Variants in CHST10 observed in about 807,000 individuals in gnomAD.
CHST10 encodes HNK-1 sulfotransferase.
A neutral mutation model predicts 34.7 loss-of-function variants in CHST10; 24 were observed. The ratio of observed to expected loss-of-function variants is 0.69; its 90% CI spans 0.50 to 0.97. The LOEUF (loss-of-function observed/expected upper bound fraction) is 0.97, where lower values mean the gene tolerates loss of function less well. Among genes scored for constraint, CHST10 ranks in the 50% least tolerant of loss-of-function variants. The pLI, the probability that CHST10 is intolerant of heterozygous loss-of-function variation, is 0.00. For synonymous variants in CHST10, 161 were observed against 169.3 expected (o/e 0.95, Z 0.38); for missense variants, 402 against 452.1 (o/e 0.89, Z 1.00).
At chr2:100,399,400 C>T (rs761368886) in intron 4 of CHST10, among the ~76,000 whole-genome samples, 20 of 152,266 alleles carry the variant, frequency 1.3e-4, no homozygotes, top group East Asian at 9.7e-4. Context: ...CCACCACGCC[C>T]GGCCATATCT....
intron 3 of CHST10, among the ~76,000 whole-genome samples, chr2:100,403,381 G>C (rs779685887): frequency 6.6e-6 from 1 of 152,134 alleles, no homozygotes; most frequent in Non-Finnish European, 1.5e-5. Context: ...TTTCTTATGA[G>C]AAAGTCTAGT....
chr2:100,398,683 C>T (rs949832591), intron 4 of CHST10, among the ~76,000 whole-genome samples: 3 of 151,958 alleles, frequency 2.0e-5, no homozygotes, highest in Non-Finnish European at 2.9e-5. Context: ...CCAGCCTGGG[C>T]GACAGAGCAA....
intron 5 of CHST10, among the ~76,000 whole-genome samples, 197 bp downstream of exon 5, chr2:100,397,711 C>T (rs181112324): frequency 7.9e-5 from 12 of 152,250 alleles, no homozygotes; most frequent in Admixed American, 7.2e-4. Flanking sequence ...TGAAAAGAAT[C>T]GGTGTCTAAA....
chr2:100,417,295 C>T, intron 1 of CHST10, 79 bp downstream of exon 1: 1 of 345,244 alleles, frequency 2.9e-6, no homozygotes, highest in South Asian at 2.2e-5. Context: ...CGCGGGTTCC[C>T]CGGTTTTTCC....
intron 6 of CHST10, among the ~76,000 whole-genome samples, chr2:100,394,985 C>A (rs1674986338): frequency 6.6e-6 from 1 of 152,058 alleles, no homozygotes. Context: ...TCCCAAAGTG[C>A]TGGTATTACA....
At position 100,402,630 on chromosome 2, in the gene CHST10, C is replaced by A. The variant is rs1675396107; in HGVS notation, c.126G>T (p.Leu42=). Residue 42 remains leucine (L), a synonymous_variant, in exon 4 of 7, where the codon CTG becomes CTT. Coordinates refer to ENST00000264249, the MANE Select transcript of CHST10 (RefSeq NM_004854.5). ...PDVYSAKQEF[L]FLTTMPEVRK... The stretch of plus-strand genomic sequence containing the variant: ...TCACTTCCGGCATGGTTGTCAGGAA[C>A]AGAAACTCCTGTTTGGCACTGTACA... The A allele has an allele frequency of 6.2e-7, 1 of 1,613,992 alleles. No homozygotes were observed. Among genetic ancestry groups the A allele is most frequent in the African/African-American group, 1.3e-5 (1 of 75,038 alleles).
In CHST10 at chr2:100,392,964, T is replaced by G. The variant is rs1451182195; in HGVS notation, c.*281A>C. The stretch of plus-strand genomic sequence containing the variant: ...CTTCCTCCCTGCTGGGCTGTCAAAC[T>G]GCAAATCTTTAGCCTTTTCTCCCCT... On this transcript the variant is annotated 3_prime_UTR_variant, in exon 7 of 7. Transcript: ENST00000264249. 9.2e-6 allele frequency: 4 copies of G among 434,498 alleles called. No homozygotes were observed. The highest frequency in any genetic ancestry group is 1.7e-5 in the Non-Finnish European group (4 of 239,880). 26.9% of individuals were successfully genotyped at this position (434,498 alleles called of 1,614,324 possible).
intron 1 of CHST10, chr2:100,415,647 A>G (rs1378499372): frequency 6.6e-6 from 1 of 152,440 alleles, no homozygotes; most frequent in Admixed American, 6.5e-5. Flanking sequence ...GGACACATGC[A>G]GCACGGTCTC....
At chr2:100,413,455 C>T (rs1034939325) in intron 2 of CHST10, among the ~76,000 whole-genome samples, 1 of 152,164 alleles carries the variant, frequency 6.6e-6, no homozygotes, top group South Asian at 2.1e-4. Context: ...CTCAGTTCAA[C>T]CCACAAGGAT....
rs780726705 is a variant in CHST10, at chr2:100,393,632, G to A, written c.684C>T (p.Asn228=). 17 of 1,614,124 alleles carry A rather than the reference G, an allele frequency of 1.1e-5. No homozygotes were observed. The highest frequency in any genetic ancestry group is 1.2e-5 in the Non-Finnish European group (14 of 1,180,038). The change falls in exon 7 of 7, where the codon AAC becomes AAT. Residue 228 remains asparagine (N), a synonymous_variant. Transcript: ENST00000264249. Reference sequence around the variant, plus strand: ...ACTGGATCCCCCGGGTCTCTGTCCGGTTCCTCCTGTATTTTCTGATGATGC... The same window carrying A: ...ACTGGATCCCCCGGGTCTCTGTCCGATTCCTCCTGTATTTTCTGATGATGC... ...APGIIRKYRR[N]RTETRGIQFE... is the part of the protein sequence containing the mutation.
chr2:100,395,488 CT>C lies in CHST10; in HGVS notation c.533+20del. ...AGGTTTACAAAAACTCCCCCCTCCC[CT>C]TTGAGGAAGCTGTTCTCACCGCTTC... On this transcript the variant is annotated intron_variant, in intron 6 of 6. Coordinates refer to ENST00000264249, the MANE Select transcript of CHST10 (RefSeq NM_004854.5). 1 of 1,603,490 alleles carries C rather than the reference CT, an allele frequency of 6.2e-7. No homozygotes were observed. The highest frequency in any genetic ancestry group is 8.5e-7 in the Non-Finnish European group (1 of 1,170,990).
chr2:100,411,648 T>C lies in CHST10; in HGVS notation c.-33+3393A>G, dbSNP rs148090391. Among the ~76,000 whole-genome samples, 27 of 152,342 alleles carry C rather than the reference T, an allele frequency of 1.8e-4. No homozygotes were observed. In the East Asian group the frequency reaches 5.2e-3, roughly 29 times the overall value. On this transcript the variant is annotated intron_variant, in intron 2 of 6. Transcript: ENST00000264249. Reference sequence around the variant, plus strand: ...TTCAAGCTCATTATTCATTATCCAGTATCCAGTGTATTCATTCATGCAGTA... The same window carrying C: ...TTCAAGCTCATTATTCATTATCCAGCATCCAGTGTATTCATTCATGCAGTA...
chr2:100,392,875 G>GTATCATTAA lies in CHST10; in HGVS notation c.*369_*370insTTAATGATA. 3 of 230,732 alleles carry GTATCATTAA rather than the reference G, an allele frequency of 1.3e-5. No homozygotes were observed. Among genetic ancestry groups the GTATCATTAA allele is most frequent in the South Asian group, 8.3e-5 (1 of 12,008 alleles). 14.3% of individuals were successfully genotyped at this position (230,732 alleles called of 1,614,324 possible). ...GGGTGAAGCCACCCTGACTAGCCAG[G>GTATCATTAA]AGAACCTCAGGGGCATCCCCTTCCT... On this transcript the variant is annotated 3_prime_UTR_variant, in exon 7 of 7. Coordinates refer to ENST00000264249, the MANE Select transcript of CHST10 (RefSeq NM_004854.5).
Position 100,417,143 on chromosome 2 carries a change from T to A in CHST10, c.-104+231A>T, listed in dbSNP as rs1003627597. The A allele has an allele frequency of 1.9e-5, 20 of 1,042,152 alleles. No homozygotes were observed. The African/African-American group carries it at 3.3e-4, about 17-fold the overall frequency. The allele number at this position is 1,042,152 out of a possible 1,614,324, so 64.6% of individuals were successfully genotyped here. Reference sequence around the variant, plus strand: ...TGTAGGCTCGCACAATATCAATAATTCCGCGGGTCACAGCATCCCGCACAA... The same window carrying A: ...TGTAGGCTCGCACAATATCAATAATACCGCGGGTCACAGCATCCCGCACAA... On this transcript the variant is annotated intron_variant, in intron 1 of 6. Coordinates refer to ENST00000264249, the MANE Select transcript of CHST10 (RefSeq NM_004854.5).
intron 1 of CHST10, chr2:100,417,027 C>T (rs759775312): frequency 6.9e-6 from 9 of 1,304,370 alleles, no homozygotes; most frequent in South Asian, 1.2e-5. Flanking sequence ...CCTTCCTCTG[C>T]ATGCTCCTTG....
rs549833634 is a variant in CHST10, at chr2:100,395,628, G to A, written c.428-14C>T. ...AAGAAAATGCTCCTGGGAAGTAAAC[G>A]GAAAGGAAGGCAGGTTGGCTGCTCC... On this transcript the variant is annotated splice_polypyrimidine_tract_variant and intron_variant, in intron 5 of 6. Transcript: ENST00000264249. 7 of 1,609,592 alleles carry A rather than the reference G, an allele frequency of 4.3e-6. No homozygotes were observed. Among genetic ancestry groups the A allele is most frequent in the East Asian group, 2.2e-5 (1 of 44,776 alleles).
chr2:100,409,132 T>A (rs1675708702), intron 2 of CHST10, among the ~76,000 whole-genome samples: 1 of 152,198 alleles, frequency 6.6e-6, no homozygotes. Flanking sequence ...CATATTCCAC[T>A]GCCTGCTCTG....
At chr2:100,406,127 A>C (rs181077225) in intron 3 of CHST10, among the ~76,000 whole-genome samples, 330 of 152,114 alleles carry the variant, frequency 2.2e-3, no homozygotes, top group Non-Finnish European at 3.2e-3. Context: ...CATTTAAATG[A>C]CCCTCCTCCG....
At chr2:100,409,439 C>T (rs996146534) in intron 2 of CHST10, among the ~76,000 whole-genome samples, 3 of 152,154 alleles carry the variant, frequency 2.0e-5, no homozygotes, top group Non-Finnish European at 4.4e-5. Context: ...GCCATATGTG[C>T]CTTCCTAAGT....
Sources: gnomAD v4.1 joint callset for allele counts (sites outside exome capture counted in the v4.1 genomes callset) on GRCh38, gnomAD v4.1.1 for gene constraint, MANE v1.5 for transcripts, NCBI Gene and HGNC (gene_info 2026-07-23, HGNC 2026-07-21) for gene names.